Variants in AUTS2 observed in about 807,000 individuals in gnomAD.
AUTS2 encodes the protein autism susceptibility gene 2 protein.
In AUTS2, 17 loss-of-function variants were observed where a neutral mutation model predicts 112.4. The observed-to-expected ratio is 0.15, with a 90% CI of 0.10 to 0.23. The LOEUF is 0.23. Among genes scored for constraint, AUTS2 ranks in the 10% least tolerant of loss-of-function variants. The probability of loss-of-function intolerance (pLI) is 1.00; values close to 1 mark genes in which losing one functional copy is unlikely to be tolerated. For missense variants in AUTS2, 1,510 were observed against 1,701.6 expected (o/e 0.89, Z 1.98); for synonymous variants, 751 against 702.7 (o/e 1.07, Z -1.09).
intron 1 of AUTS2, among the ~76,000 whole-genome samples, chr7:69,689,135 C>T (rs1162424837): frequency 6.6e-6 from 1 of 151,982 alleles, no homozygotes; most frequent in East Asian, 1.9e-4. Flanking sequence ...CATTCAGCTA[C>T]CTTGAGGTCT....
chr7:70,189,420 A>C (rs934297067), intron 4 of AUTS2, among the ~76,000 whole-genome samples: 9 of 152,218 alleles, frequency 5.9e-5, no homozygotes, highest in Admixed American at 1.3e-4. Context: ...TGTAGGATTA[A>C]AGTAAAAGTA....
Position 69,803,116 on chromosome 7 carries a change from T to C in AUTS2, c.310-96170T>C, listed in dbSNP as rs547612909. Among the ~76,000 whole-genome samples, 3 of 152,248 alleles carry C rather than the reference T, an allele frequency of 2.0e-5. No homozygotes were observed. The South Asian group carries it at 6.2e-4, about 32-fold the overall frequency. ...GTTACTGGACTGGGTGGTTTTTAGC[T>C]CCTCCCACAATGGGCAATAATCAGT... On this transcript the variant is annotated intron_variant, in intron 1 of 18. Coordinates refer to ENST00000342771, the MANE Select transcript of AUTS2 (RefSeq NM_015570.4).
intron 2 of AUTS2, among the ~76,000 whole-genome samples, chr7:69,937,318 C>T (rs1233618810): frequency 1.3e-5 from 2 of 152,124 alleles, no homozygotes. Flanking sequence ...GGGGTTTGGT[C>T]CCGGATGAAG....
In AUTS2 at chr7:69,989,152, T is replaced by C. The variant is rs539794733; in HGVS notation, c.522+89654T>C. Among the ~76,000 whole-genome samples, 22 of 152,336 alleles carry C rather than the reference T, an allele frequency of 1.4e-4. No individual in the cohort carries two copies. The South Asian group carries it at 4.6e-3, about 32-fold the overall frequency. On this transcript the variant is annotated intron_variant, in intron 2 of 18. Transcript: ENST00000342771. ...GTACCATGTAATTTGTAACTCCAGA[T>C]AGTCAAGACTTGAATTTGGTAACTC...
At chr7:69,772,266 C>T (rs1473019630) in intron 1 of AUTS2, among the ~76,000 whole-genome samples, 2 of 152,212 alleles carry the variant, frequency 1.3e-5, no homozygotes, top group African/African-American at 4.8e-5. Flanking sequence ...CGGTTCAACT[C>T]AGAAATTCAC....
At chr7:70,350,809 C>A (rs971904215) in intron 4 of AUTS2, among the ~76,000 whole-genome samples, 1 of 152,116 alleles carries the variant, frequency 6.6e-6, no homozygotes, top group Non-Finnish European at 1.5e-5. Flanking sequence ...AGTCCTCCTG[C>A]CCTACATTAG....
chr7:70,546,368 C>T (rs968131984), intron 5 of AUTS2, among the ~76,000 whole-genome samples: 9 of 152,118 alleles, frequency 5.9e-5, no homozygotes, highest in Non-Finnish European at 7.4e-5. Context: ...CGCTTGAACC[C>T]GGGAGGTGGA....
intron 2 of AUTS2, among the ~76,000 whole-genome samples, chr7:70,003,195 A>C (rs1265326879): frequency 1.5e-4 from 20 of 134,954 alleles, no homozygotes; most frequent in Non-Finnish European, 2.6e-4. Context: ...TTATATATGA[A>C]TATATTATAT....
chr7:70,744,684 G>A (rs920731442), intron 6 of AUTS2, among the ~76,000 whole-genome samples: 1 of 152,228 alleles, frequency 6.6e-6, no homozygotes, highest in Non-Finnish European at 1.5e-5. Context: ...GGTGGCAAGA[G>A]CAGCAAGAGC....
chr7:69,685,975 G>A (rs1317097854), intron 1 of AUTS2, among the ~76,000 whole-genome samples: 2 of 152,040 alleles, frequency 1.3e-5, no homozygotes, highest in Non-Finnish European at 2.9e-5. Flanking sequence ...AGGCCGTGTG[G>A]GTAAGAGAGA....
intron 1 of AUTS2, among the ~76,000 whole-genome samples, chr7:69,622,311 T>A (rs1283609501): frequency 6.6e-6 from 1 of 152,204 alleles, no homozygotes; most frequent in Non-Finnish European, 1.5e-5. Flanking sequence ...AAATTCAGTT[T>A]ACTAGGTGGC....
chr7:70,137,636 G>A (rs768526452), intron 4 of AUTS2, among the ~76,000 whole-genome samples: 16 of 151,994 alleles, frequency 1.1e-4, no homozygotes, highest in Admixed American at 1.3e-4. Context: ...ACCTTGGTCC[G>A]GTTATTTTAT....
At chr7:70,643,336 G>T (rs1211499081) in intron 5 of AUTS2, among the ~76,000 whole-genome samples, 1 of 152,214 alleles carries the variant, frequency 6.6e-6, no homozygotes, top group East Asian at 1.9e-4. Flanking sequence ...ACTCTGGGAG[G>T]CCGAGGTGGG....
chr7:70,363,415 T>A (rs1792371936), intron 4 of AUTS2, among the ~76,000 whole-genome samples: 1 of 135,268 alleles, frequency 7.4e-6, no homozygotes, highest in Admixed American at 7.4e-5. Context: ...GTAACTAACC[T>A]GCACAATGTG....
intron 1 of AUTS2, among the ~76,000 whole-genome samples, chr7:69,851,979 C>T (rs954368816): frequency 2.6e-5 from 4 of 151,998 alleles, no homozygotes; most frequent in Admixed American, 2.0e-4. Context: ...CCTTTTATTG[C>T]CTTATTATGC....
chr7:69,688,834 A>G lies in AUTS2; in HGVS notation c.309+88872A>G, dbSNP rs2129176071. On this transcript the variant is annotated intron_variant, in intron 1 of 18. Coordinates refer to ENST00000342771, the MANE Select transcript of AUTS2 (RefSeq NM_015570.4). ...TTATCCATCTAGGGAAATGATCTTG[A>G]AATTTTTATGATGTGTCCATATCAA... Among the ~76,000 whole-genome samples the G allele has an allele frequency of 2.0e-5, 3 of 152,302 alleles. No individual in the cohort carries two copies. The South Asian group carries it at 6.2e-4, about 32-fold the overall frequency.
At chr7:70,183,837 T>C (rs1809456673) in intron 4 of AUTS2, among the ~76,000 whole-genome samples, 1 of 151,112 alleles carries the variant, frequency 6.6e-6, no homozygotes, top group East Asian at 1.9e-4. Context: ...CTTTTTCTTT[T>C]TTTTTTTTTT....
intron 4 of AUTS2, among the ~76,000 whole-genome samples, chr7:70,303,721 C>T (rs7787612): frequency 0.27 from 41,364 of 152,012 alleles, 5,738 homozygotes; most frequent in East Asian, 0.35. Flanking sequence ...GAAATGAGCC[C>T]CTCAATCTGC....
At chr7:69,745,506 C>T (rs1283981718) in intron 1 of AUTS2, among the ~76,000 whole-genome samples, 1 of 152,152 alleles carries the variant, frequency 6.6e-6, no homozygotes, top group Non-Finnish European at 1.5e-5. Context: ...AGCTTGCTTT[C>T]GTTGAAGTGT....
Sources: allele counts gnomAD v4.1 joint callset (sites outside exome capture counted in the v4.1 genomes callset), GRCh38; gene constraint gnomAD v4.1.1; transcripts MANE v1.5; gene names NCBI Gene and HGNC (gene_info 2026-07-23, HGNC 2026-07-21).